Variants in GALC observed in about 807,000 individuals in gnomAD.
GALC encodes the protein galactosylceramidase.
GALC carries 77 observed loss-of-function variants against 91.8 expected under a neutral mutation model. The ratio of observed to expected loss-of-function variants is 0.84; its 90% CI spans 0.70 to 1.01. The LOEUF (loss-of-function observed/expected upper bound fraction) is 1.01. GALC is among the 50% of genes least tolerant of loss of function. GALC has a pLI of 0.00. For missense variants in GALC, 882 were observed against 855.9 expected, an observed-to-expected ratio of 1.03 and a Z score of -0.38; for synonymous variants, 357 against 306.7, an observed-to-expected ratio of 1.16 and a Z score of -1.71.
At chr14:87,982,125 C>CTACTATT (rs1886774220) in intron 6 of GALC, 80 bp downstream of exon 6, 2 of 741,072 alleles carry the variant, frequency 2.7e-6, no homozygotes, top group Non-Finnish European at 2.3e-6. Flanking sequence ...CACAAATTTC[C>CTACTATT]TACTATTTTC....
chr14:87,992,430 G>A (rs1887241781), intron 1 of GALC: 4 of 1,535,236 alleles, frequency 2.6e-6, no homozygotes, highest in East Asian at 2.4e-5. Context: ...AATCCTATTC[G>A]GCGCTACCCT....
intron 10 of GALC, chr14:87,954,693 C>T: frequency 4.5e-6 from 7 of 1,555,790 alleles, no homozygotes; most frequent in East Asian, 2.3e-5. Flanking sequence ...TCAGAGCTGT[C>T]ATTTCCTATT....
At chr14:87,976,515 G>T (rs900485063) in intron 6 of GALC, 27 bp from the exon 7 acceptor site, 4 of 1,584,158 alleles carry the variant, frequency 2.5e-6, no homozygotes, top group Non-Finnish European at 2.6e-6. Flanking sequence ...CAGAACATAT[G>T]AAAGGATACA....
intron 10 of GALC, among the ~76,000 whole-genome samples, chr14:87,958,170 T>C (rs1885638447): frequency 6.6e-6 from 1 of 152,048 alleles, no homozygotes; most frequent in Non-Finnish European, 1.5e-5. Context: ...TAAATTTATG[T>C]ATAAAGTAAC....
At chr14:87,962,226 G>A (rs986748300) in intron 10 of GALC, among the ~76,000 whole-genome samples, 1 of 152,128 alleles carries the variant, frequency 6.6e-6, no homozygotes, top group African/African-American at 2.4e-5. Flanking sequence ...TGGGGAGTAG[G>A]GAGGTTATCT....
rs553338395 is a variant in GALC, at chr14:87,965,230, ATTAT to A, written c.1033+271_1033+274del. ...TCATTTGTAATTATATCCTTAGATG[ATTAT>A]TTATTTGTGTCTCTATCACTACACA... On this transcript the variant is annotated intron_variant, in intron 9 of 16. Coordinates refer to ENST00000261304, the MANE Select transcript of GALC (RefSeq NM_000153.4). Among the ~76,000 whole-genome samples the A allele has an allele frequency of 6.6e-4, 100 of 152,210 alleles. 2 individuals carry two copies. The South Asian group carries it at 0.021, about 31-fold the overall frequency.
chr14:87,983,296 C>T (rs117103054), intron 5 of GALC, among the ~76,000 whole-genome samples: 1 of 151,914 alleles, frequency 6.6e-6, no homozygotes, highest in African/African-American at 2.4e-5. Flanking sequence ...CACAACACTG[C>T]ACTCCAATCC....
rs201308746 is a variant in GALC at position 87,985,168 on chromosome 14, TAAG to T, written c.443-638_443-636del. ...TCCTGATTATGTTTAAGTAAAAAAA[TAAG>T]AAGAGTAGAAAAGTACTTATTATAA... is the stretch of plus-strand genomic sequence containing the variant. On this transcript the variant is annotated intron_variant, in intron 4 of 16. Transcript: ENST00000261304. Among the ~76,000 whole-genome samples the T allele has an allele frequency of 9.2e-3, 1,395 of 152,128 alleles. 10 individuals are homozygous for T. Among genetic ancestry groups the T allele is most frequent in the Non-Finnish European group, 0.014 (932 of 67,968 alleles).
intron 16 of GALC, among the ~76,000 whole-genome samples, chr14:87,939,398 A>C (rs1006220156): frequency 2.0e-5 from 3 of 151,842 alleles, no homozygotes; most frequent in African/African-American, 7.2e-5. Flanking sequence ...TCGAGCAGTA[A>C]CTCATGATCA....
intron 10 of GALC, among the ~76,000 whole-genome samples, chr14:87,955,767 C>A (rs112102371): frequency 1.6e-3 from 242 of 151,858 alleles, no homozygotes; most frequent in Middle Eastern, 3.4e-3. Context: ...GTGGTTAGTT[C>A]GTGTCTAGGA....
At position 87,988,483 on chromosome 14, in the gene GALC, C is replaced by G; in HGVS notation, c.236G>C (p.Arg79Pro). Residue 79 changes from arginine to proline, a missense_variant, in exon 2 of 17, where the codon CGT becomes CCT. Coordinates refer to ENST00000261304, the MANE Select transcript of GALC (RefSeq NM_000153.4). ...AAAGAGATAATCCAATATCTGAGAA[C>G]GATAGGGCTCTGGGTAATTTACTAG... ...RLLVNYPEPYRSQILDYLFKP... is the reference protein window; with the variant it reads ...RLLVNYPEPYPSQILDYLFKP... 6.2e-7 allele frequency: 1 copy of G among 1,611,056 alleles called. No individual in the cohort carries two copies. The highest frequency in any genetic ancestry group is 8.5e-7 in the Non-Finnish European group (1 of 1,177,508).
At chr14:87,965,943 A>C (rs1425087562) in intron 8 of GALC, among the ~76,000 whole-genome samples, 1 of 152,190 alleles carries the variant, frequency 6.6e-6, no homozygotes, top group Non-Finnish European at 1.5e-5. Context: ...AACACATCAC[A>C]AATTTGAGTC....
intron 6 of GALC, chr14:87,976,801 A>G (rs1886513011): frequency 2.9e-6 from 1 of 347,504 alleles, no homozygotes; most frequent in Non-Finnish European, 5.6e-6. Context: ...TTTTTAGCAG[A>G]GACAGGGTTT....
rs370117160 is a variant in GALC, at chr14:87,988,483, C to T, written c.236G>A (p.Arg79His). ...AAAGAGATAATCCAATATCTGAGAA[C>T]GATAGGGCTCTGGGTAATTTACTAG... is the stretch of plus-strand genomic sequence containing the variant. ...RLLVNYPEPY[R>H]SQILDYLFKP... The change falls in exon 2 of 17, where the codon CGT (arginine) becomes CAT (histidine). Residue 79 changes from arginine (R) to histidine (H), a missense_variant. Transcript: ENST00000261304. 1.3e-5 allele frequency: 21 copies of T among 1,610,940 alleles called. No individual in the cohort carries two copies. Among genetic ancestry groups the T allele is most frequent in the South Asian group, 5.5e-5 (5 of 91,014 alleles).
At chr14:87,970,086 T>C (rs1257038012) in intron 7 of GALC, among the ~76,000 whole-genome samples, 7 of 152,150 alleles carry the variant, frequency 4.6e-5, no homozygotes, top group Non-Finnish European at 8.8e-5. Flanking sequence ...TTTTAAATAA[T>C]ATAAATTCAA....
chr14:87,986,077 T>C (rs1389486102), intron 4 of GALC, among the ~76,000 whole-genome samples: 1 of 152,250 alleles, frequency 6.6e-6, no homozygotes, highest in African/African-American at 2.4e-5. Context: ...CTGCATGTAA[T>C]ATACATTTTT....
chr14:87,982,781 G>C (rs921950495), intron 5 of GALC, among the ~76,000 whole-genome samples: 11 of 152,138 alleles, frequency 7.2e-5, no homozygotes, highest in Non-Finnish European at 1.6e-4. Context: ...TGAAGCATGG[G>C]GTTTTAGAAT....
At chr14:87,980,157 C>T (rs373185022) in intron 6 of GALC, among the ~76,000 whole-genome samples, 10 of 152,104 alleles carry the variant, frequency 6.6e-5, no homozygotes, top group Admixed American at 2.0e-4. Context: ...CCGAGGCGGG[C>T]GGATCACAAG....
At chr14:87,942,391 G>C in intron 14 of GALC, among the ~76,000 whole-genome samples, 1 of 152,008 alleles carries the variant, frequency 6.6e-6, no homozygotes, top group Admixed American at 6.6e-5. Flanking sequence ...AGATTCAGCT[G>C]TCCAGGGACT....
Sources: allele counts gnomAD v4.1 joint callset (sites outside exome capture counted in the v4.1 genomes callset), GRCh38; gene constraint gnomAD v4.1.1; transcripts MANE v1.5; gene names NCBI Gene and HGNC (gene_info 2026-07-23, HGNC 2026-07-21).